The following EPHA6 variants were observed in gnomAD, a reference collection of about 807,000 sequenced individuals.
The protein encoded by EPHA6 is EPH receptor A6.
In EPHA6, 50 loss-of-function variants were observed where a neutral mutation model predicts 112.0. That is an observed-to-expected ratio of 0.45 (90% CI 0.36 to 0.56). EPHA6 has a LOEUF of 0.56. Ranked by LOEUF, EPHA6 falls within the 20% of genes least tolerant of loss-of-function variation. The pLI is 0.00. For missense variants in EPHA6, 1,280 were observed against 1,417.4 expected, an observed-to-expected ratio of 0.90 and a Z score of 1.56; for synonymous variants, 529 against 490.7, an observed-to-expected ratio of 1.08 and a Z score of -1.03.
At chr3:97,116,509 A>C (rs1173939370) in intron 3 of EPHA6, among the ~76,000 whole-genome samples, 3 of 151,788 alleles carry the variant, frequency 2.0e-5, no homozygotes, top group Non-Finnish European at 4.4e-5. Context: ...CCTTTCTTCC[A>C]CTACCACTGG....
At position 97,058,991 on chromosome 3, in the gene EPHA6, G is replaced by T. The variant is rs762745; in HGVS notation, c.1114+70998G>T. 3.6e-3 allele frequency among the ~76,000 whole-genome samples: 552 copies of T among 152,110 alleles called. 9 individuals carry two copies. The highest frequency in any genetic ancestry group is 0.025 in the Admixed American group (380 of 15,284). ...TACAACTGGGGCAGCATGGAGGAGTGGGGGGACGCAGATTATCTCTGCCTG... is the reference window on the plus strand; with the variant it reads ...TACAACTGGGGCAGCATGGAGGAGTTGGGGGACGCAGATTATCTCTGCCTG... On this transcript the variant is annotated intron_variant, in intron 3 of 17. Coordinates refer to ENST00000389672, the MANE Select transcript of EPHA6 (RefSeq NM_001080448.3).
At chr3:97,495,474 G>A (rs9822467) in intron 10 of EPHA6, among the ~76,000 whole-genome samples, 11,072 of 151,514 alleles carry the variant, frequency 0.073, 1,276 homozygotes, top group African/African-American at 0.24. Context: ...TATATGATAT[G>A]GAATATATGG....
rs112472814 is a variant in EPHA6, at chr3:97,079,900, G to GT, written c.1114+91921dup. Among the ~76,000 whole-genome samples, 885 of 137,358 alleles carry GT rather than the reference G, an allele frequency of 6.4e-3. 4 individuals are homozygous for GT. Among genetic ancestry groups the GT allele is most frequent in the Middle Eastern group, 0.015 (4 of 272 alleles). 90.1% of individuals were successfully genotyped at this position (137,358 alleles called of 152,430 possible). A position where few individuals can be genotyped will look rare whatever the true frequency, so the allele number is the denominator to read the frequency against. ...TGCTGAAGGCTCACATGATTGTTAGGTTTTTTTTTTTTTTGCAATGTTTTA... is the reference window on the plus strand; with the variant it reads ...TGCTGAAGGCTCACATGATTGTTAGGTTTTTTTTTTTTTTTGCAATGTTTTA... On this transcript the variant is annotated intron_variant, in intron 3 of 17. Coordinates refer to ENST00000389672, the MANE Select transcript of EPHA6 (RefSeq NM_001080448.3).
At chr3:96,908,980 A>C (rs901892837) in intron 2 of EPHA6, among the ~76,000 whole-genome samples, 8 of 152,006 alleles carry the variant, frequency 5.3e-5, no homozygotes, top group African/African-American at 1.7e-4. Flanking sequence ...GTTAGAGAAC[A>C]GGAGCCAAAG....
rs999468354 is a variant in EPHA6 at position 97,754,887 on chromosome 3, T to C, written c.*6186T>C. ...CCCGGCTAATTTTTTGTATTTTTAG[T>C]AGAGACGGAGTTTCACCGTGTTAGC... On this transcript the variant is annotated 3_prime_UTR_variant, in exon 18 of 18. Coordinates refer to ENST00000389672, the MANE Select transcript of EPHA6 (RefSeq NM_001080448.3). Among the ~76,000 whole-genome samples the C allele has an allele frequency of 6.6e-6, 1 of 152,092 alleles. No individual in the cohort carries two copies. The highest frequency in any genetic ancestry group is 2.4e-5 in the African/African-American group (1 of 41,412).
At chr3:97,588,218 C>T (rs1372182295) in intron 11 of EPHA6, among the ~76,000 whole-genome samples, 2 of 152,122 alleles carry the variant, frequency 1.3e-5, no homozygotes, top group African/African-American at 4.8e-5. Flanking sequence ...CCCCCCTGCC[C>T]AATTTTGGAA....
chr3:97,645,264 CCAAATGTCCAA>C (rs1342957001), intron 14 of EPHA6, among the ~76,000 whole-genome samples: 1 of 145,536 alleles, frequency 6.9e-6, no homozygotes, highest in Non-Finnish European at 1.5e-5. Context: ...TGGAACCAAC[CCAAATGTCCAA>C]CAATGATAGA....
intron 2 of EPHA6, among the ~76,000 whole-genome samples, chr3:96,981,035 C>A (rs1015609601): frequency 1.3e-5 from 2 of 152,068 alleles, no homozygotes; most frequent in African/African-American, 4.8e-5. Context: ...AATTGAATAC[C>A]CTTTATTTCT....
intron 3 of EPHA6, among the ~76,000 whole-genome samples, chr3:97,041,312 T>G (rs2045306304): frequency 6.6e-6 from 1 of 152,074 alleles, no homozygotes; most frequent in Non-Finnish European, 1.5e-5. Context: ...TCTTTCCTGG[T>G]TTTGCCAGTC....
intron 13 of EPHA6, among the ~76,000 whole-genome samples, chr3:97,634,312 T>C (rs1460612589): frequency 6.6e-6 from 1 of 151,716 alleles, no homozygotes; most frequent in Non-Finnish European, 1.5e-5. Context: ...TTTTCTCCTA[T>C]AATAATGTGG....
intron 11 of EPHA6, among the ~76,000 whole-genome samples, chr3:97,567,603 C>T (rs904519678): frequency 7.2e-5 from 11 of 151,902 alleles, no homozygotes; most frequent in African/African-American, 2.2e-4. Context: ...ATATAACTGG[C>T]GTACAAATAA....
intron 13 of EPHA6, 124 bp from the exon 14 acceptor site, chr3:97,637,749 A>G: frequency 1.4e-6 from 1 of 710,102 alleles, no homozygotes; most frequent in Admixed American, 2.5e-5. Flanking sequence ...ATAGTCAGTG[A>G]TCACCAAAGT....
intron 2 of EPHA6, among the ~76,000 whole-genome samples, chr3:96,980,031 G>C (rs960540592): frequency 1.3e-5 from 2 of 152,128 alleles, no homozygotes; most frequent in African/African-American, 4.8e-5. Flanking sequence ...GGTTTCTTTT[G>C]CTGTGCAGAA....
rs549673358 is a variant in EPHA6 at position 97,121,296 on chromosome 3, C to T, written c.1115-104968C>T. On this transcript the variant is annotated intron_variant, in intron 3 of 17. Transcript: ENST00000389672. ...CACATTTAAGTAGTAACCAGCTGGG[C>T]GGTTGTCTAAAGTGCTAATGTAAGA... Among the ~76,000 whole-genome samples the T allele has an allele frequency of 9.9e-4, 151 of 152,024 alleles. 1 individual carries two copies. The highest frequency in any genetic ancestry group is 5.8e-3 in the South Asian group (28 of 4,816).
intron 5 of EPHA6, among the ~76,000 whole-genome samples, chr3:97,304,870 A>G (rs2081249573): frequency 6.6e-6 from 1 of 152,076 alleles, no homozygotes; most frequent in African/African-American, 2.4e-5. Flanking sequence ...AATTGCAACA[A>G]AAGCAAAAAT....
intron 5 of EPHA6, among the ~76,000 whole-genome samples, chr3:97,367,537 A>C (rs1040410765): frequency 7.9e-5 from 12 of 151,856 alleles, no homozygotes; most frequent in African/African-American, 2.9e-4. Flanking sequence ...AAGTCCGAAG[A>C]TGGTAACAGT....
Position 96,987,634 on chromosome 3 carries a change from C to T in EPHA6, c.755C>T (p.Thr252Ile), listed in dbSNP as rs1576260942. ...IDTIAADESF[T>I]QMDLGDRILK... is the part of the protein sequence containing the mutation. ...ACAATTGCTGCTGATGAGAGTTTTACCCAGATGGATTTGGGTGATCGCATC... is the reference window on the plus strand; with the variant it reads ...ACAATTGCTGCTGATGAGAGTTTTATCCAGATGGATTTGGGTGATCGCATC... The change falls in exon 3 of 18, where the codon ACC becomes ATC. Residue 252 changes from threonine (T) to isoleucine (I), a missense_variant. This residue lies in a region of EPHA6 where 878 missense variants were observed against 999.7 expected (regional missense o/e 0.88). Transcript: ENST00000389672. 1 of 1,610,810 alleles carries T rather than the reference C, an allele frequency of 6.2e-7. No individual in the cohort carries two copies. Among genetic ancestry groups the T allele is most frequent in the Non-Finnish European group, 8.5e-7 (1 of 1,177,420 alleles).
intron 9 of EPHA6, among the ~76,000 whole-genome samples, chr3:97,481,953 A>G (rs1323902265): frequency 2.0e-5 from 3 of 152,208 alleles, no homozygotes; most frequent in Admixed American, 6.5e-5. Context: ...GTAGGTTAGC[A>G]TAAACCAAAC....
chr3:97,140,663 C>G (rs2075876720), intron 3 of EPHA6, among the ~76,000 whole-genome samples: 1 of 152,094 alleles, frequency 6.6e-6, no homozygotes, highest in Non-Finnish European at 1.5e-5. Flanking sequence ...ACTGGCACTA[C>G]AAGAAGAGCT....
Sources: allele counts gnomAD v4.1 joint callset (sites outside exome capture counted in the v4.1 genomes callset), GRCh38; gene constraint gnomAD v4.1.1; regional missense constraint gnomAD v4.1.1; transcripts MANE v1.5; gene names NCBI Gene and HGNC (gene_info 2026-07-23, HGNC 2026-07-21).